ROBO2: variants seen among roughly 807,000 people sequenced by gnomAD.
The protein encoded by ROBO2 is roundabout guidance receptor 2.
ROBO2 carries 53 observed loss-of-function variants against 160.8 expected under a neutral mutation model. That is an observed-to-expected ratio of 0.33 (90% CI 0.26 to 0.41). ROBO2 has a LOEUF of 0.41. Among genes scored for constraint, ROBO2 ranks in the 10% least tolerant of loss-of-function variants. The pLI is 1.00. For synonymous variants in ROBO2, 664 were observed against 611.7 expected, an observed-to-expected ratio of 1.09 and a Z score of -1.26; for missense variants, 1,577 against 1,722.4, an observed-to-expected ratio of 0.92 and a Z score of 1.49.
chr3:77,472,609 A>C (rs1190678675), intron 2 of ROBO2, among the ~76,000 whole-genome samples: 2 of 152,166 alleles, frequency 1.3e-5, no homozygotes, highest in African/African-American at 4.8e-5. Context: ...CTAGCCAATT[A>C]CATATCCCCC....
intron 2 of ROBO2, among the ~76,000 whole-genome samples, chr3:76,185,062 A>C (rs1445100233): frequency 1.3e-5 from 2 of 151,498 alleles, no homozygotes; most frequent in Admixed American, 1.3e-4. Flanking sequence ...ATATTTCTTC[A>C]TCCAGTCAAG....
intron 6 of ROBO2, among the ~76,000 whole-genome samples, 164 bp downstream of exon 7, chr3:77,527,578 G>A (rs1237541507): frequency 6.6e-6 from 1 of 151,354 alleles, no homozygotes; most frequent in African/African-American, 2.4e-5. Context: ...TACTCACTTT[G>A]ATAAACAATT....
At chr3:77,188,968 T>TGTGTGA (rs550237793) in intron 2 of ROBO2, among the ~76,000 whole-genome samples, 22,952 of 141,724 alleles carry the variant, frequency 0.16, 2,038 homozygotes, top group Middle Eastern at 0.22. Flanking sequence ...TGTGTGTGTG[T>TGTGTGA]GAGAGAGAGA....
intron 2 of ROBO2, among the ~76,000 whole-genome samples, chr3:77,113,671 C>G (rs1276815161): frequency 1.3e-5 from 2 of 152,166 alleles, no homozygotes; most frequent in East Asian, 3.9e-4. Flanking sequence ...GTTAATCATA[C>G]TTGAGGACTG....
chr3:76,439,448 C>T (rs946245052), intron 2 of ROBO2, among the ~76,000 whole-genome samples: 1 of 151,740 alleles, frequency 6.6e-6, no homozygotes, highest in Non-Finnish European at 1.5e-5. Flanking sequence ...AGAGCTGAAT[C>T]GGGAAGATAA....
At chr3:76,432,959 C>T (rs1392231685) in intron 2 of ROBO2, among the ~76,000 whole-genome samples, 1 of 152,000 alleles carries the variant, frequency 6.6e-6, no homozygotes, top group East Asian at 1.9e-4. Context: ...TCACTCACTC[C>T]AGAATCTTAG....
At chr3:76,024,059 G>T (rs962913161) in intron 2 of ROBO2, among the ~76,000 whole-genome samples, 2 of 151,166 alleles carry the variant, frequency 1.3e-5, no homozygotes, top group Non-Finnish European at 3.0e-5. Context: ...CATCTCATTA[G>T]TTATATATAT....
At chr3:76,073,834 T>A (rs566888079) in intron 2 of ROBO2, among the ~76,000 whole-genome samples, 9 of 152,166 alleles carry the variant, frequency 5.9e-5, no homozygotes, top group African/African-American at 2.2e-4. Flanking sequence ...ATAAGCAGTG[T>A]CCTGACAAAT....
chr3:77,040,108 T>C, exon 1 of ROBO2: 1 of 983,034 alleles, frequency 1.0e-6, no homozygotes, highest in Non-Finnish European at 1.2e-6. Flanking sequence ...ACGTAGGAGT[T>C]CGGATTCTCC....
chr3:76,915,193 G>T (rs1259325494), intron 2 of ROBO2, among the ~76,000 whole-genome samples: 1 of 152,082 alleles, frequency 6.6e-6, no homozygotes, highest in Non-Finnish European at 1.5e-5. Flanking sequence ...GAATATGGCT[G>T]TTTTATTTAC....
intron 2 of ROBO2, among the ~76,000 whole-genome samples, chr3:76,888,772 A>G (rs1559656303): frequency 6.6e-6 from 1 of 152,204 alleles, no homozygotes; most frequent in East Asian, 1.9e-4. Flanking sequence ...AGTACTAGCA[A>G]GAGTTAAGGA....
chr3:76,795,631 T>C (rs1236703868), intron 2 of ROBO2, among the ~76,000 whole-genome samples: 1 of 152,102 alleles, frequency 6.6e-6, no homozygotes, highest in Non-Finnish European at 1.5e-5. Flanking sequence ...ATTTCCATGA[T>C]ATATGCAATT....
rs992297479 is a variant in ROBO2 at position 76,200,553 on chromosome 3, A to G, written c.109+262951A>G. Among the ~76,000 whole-genome samples, 3 of 152,156 alleles carry G rather than the reference A, an allele frequency of 2.0e-5. No individual in the cohort carries two copies. The East Asian group carries it at 5.8e-4, about 29-fold the overall frequency. Reference sequence around the variant, plus strand: ...ACCAAATTTGTCAGAAAAGCAATAGATTAATACGTCCAGTATAGGGGGCAA... The same window carrying G: ...ACCAAATTTGTCAGAAAAGCAATAGGTTAATACGTCCAGTATAGGGGGCAA... On this transcript the variant is annotated intron_variant, in intron 2 of 26. Transcript: ENST00000487694.
intron 2 of ROBO2, among the ~76,000 whole-genome samples, chr3:76,924,483 T>C (rs9833069): frequency 0.46 from 70,433 of 151,996 alleles, 16,761 homozygotes; most frequent in African/African-American, 0.57. Flanking sequence ...TTGGGCTTCC[T>C]ATCCCCGAAA....
At chr3:76,867,048 A>G (rs1159912483) in intron 2 of ROBO2, among the ~76,000 whole-genome samples, 1 of 152,186 alleles carries the variant, frequency 6.6e-6, no homozygotes, top group Non-Finnish European at 1.5e-5. Context: ...GCATGACCAC[A>G]ACTTATTTTT....
intron 2 of ROBO2, among the ~76,000 whole-genome samples, chr3:76,875,166 G>A (rs762096259): frequency 1.6e-4 from 24 of 152,088 alleles, no homozygotes; most frequent in Non-Finnish European, 2.5e-4. Flanking sequence ...GCCATGTGAG[G>A]ATATAGCATT....
chr3:76,198,882 T>G (rs1420865945), intron 2 of ROBO2, among the ~76,000 whole-genome samples: 1 of 152,116 alleles, frequency 6.6e-6, no homozygotes, highest in Admixed American at 6.6e-5. Flanking sequence ...ACCAAACCAA[T>G]GTACACCTTG....
chr3:76,109,987 A>G (rs758557957), intron 2 of ROBO2, among the ~76,000 whole-genome samples: 39 of 151,834 alleles, frequency 2.6e-4, no homozygotes, highest in Admixed American at 4.6e-4. Flanking sequence ...CTGAAAAACA[A>G]TAATTTTGTT....
intron 2 of ROBO2, among the ~76,000 whole-genome samples, chr3:77,477,067 A>G (rs2084100847): frequency 6.6e-6 from 1 of 152,118 alleles, no homozygotes; most frequent in African/African-American, 2.4e-5. Flanking sequence ...ACACACATAT[A>G]TGAGTTTCTA....
Sources: gnomAD v4.1 joint callset for allele counts (sites outside exome capture counted in the v4.1 genomes callset) on GRCh38, gnomAD v4.1.1 for gene constraint, MANE v1.5 for transcripts, NCBI Gene and HGNC (gene_info 2026-07-23, HGNC 2026-07-21) for gene names.